XKR9: variants seen among roughly 807,000 people sequenced by gnomAD.
The protein encoded by XKR9 is XK-related protein 9.
XKR9 carries 32 observed loss-of-function variants against 32.0 expected under a neutral mutation model. The ratio of observed to expected loss-of-function variants is 1.00; its 90% CI spans 0.76 to 1.34. The LOEUF is 1.34. XKR9 is among the 40% of genes most tolerant of loss of function. The pLI is 0.00. For missense variants in XKR9, 546 were observed against 429.7 expected (o/e 1.27, Z -2.39); for synonymous variants, 168 against 143.4 (o/e 1.17, Z -1.22).
chr8:70,919,892 G>GT, the XKR9 span, among the ~76,000 whole-genome samples: 9 of 152,178 alleles, frequency 5.9e-5, no homozygotes, highest in African/African-American at 1.7e-4. Flanking sequence ...TTCCTTCATA[G>GT]TTTTTTGCAC....
At chr8:70,769,874 G>C (rs961087047) in intron 2 of XKR9, among the ~76,000 whole-genome samples, 1 of 151,842 alleles carries the variant, frequency 6.6e-6, no homozygotes, top group African/African-American at 2.4e-5. Context: ...TCCTTGCATT[G>C]GGTTAGAACA....
At chr8:70,792,592 CAGTT>C (rs910923902), downstream of XKR9, among the ~76,000 whole-genome samples, 1 of 151,996 alleles carries the variant, frequency 6.6e-6, no homozygotes, top group Admixed American at 6.6e-5. Context: ...ACATAAGAAG[CAGTT>C]AGTGCTAGAC....
At chr8:70,942,553 G>T in the XKR9 span, among the ~76,000 whole-genome samples, 1 of 152,116 alleles carries the variant, frequency 6.6e-6, no homozygotes, top group African/African-American at 2.4e-5. Flanking sequence ...CCCATTTCAT[G>T]ATTTTAAAAG....
chr8:70,718,534 T>G (rs1806168130), intron 4 of XKR9, among the ~76,000 whole-genome samples: 1 of 152,108 alleles, frequency 6.6e-6, no homozygotes, highest in Non-Finnish European at 1.5e-5. Flanking sequence ...ATGTGTTCTC[T>G]TTGTTCAACT....
chr8:70,799,785 T>TC, the XKR9 span, among the ~76,000 whole-genome samples: 3 of 152,210 alleles, frequency 2.0e-5, no homozygotes, highest in Non-Finnish European at 2.9e-5. Context: ...GTTTTCTAGA[T>TC]ATAGGATCAT....
the XKR9 span, among the ~76,000 whole-genome samples, chr8:70,961,001 C>G: frequency 1.3e-5 from 2 of 152,142 alleles, no homozygotes; most frequent in South Asian, 4.1e-4. Flanking sequence ...GAAACCCTGT[C>G]TCTACCAAAG....
At chr8:70,794,911 T>C (rs1807809616), downstream of XKR9, among the ~76,000 whole-genome samples, 1 of 151,814 alleles carries the variant, frequency 6.6e-6, no homozygotes. Context: ...CTAGAAAGTT[T>C]TGATTCTCTT....
the XKR9 span, among the ~76,000 whole-genome samples, chr8:70,846,897 G>T: frequency 2.0e-5 from 3 of 151,930 alleles, no homozygotes; most frequent in African/African-American, 7.2e-5. Context: ...ATTGGGGACT[G>T]CAACACACCA....
At chr8:70,859,915 G>A in the XKR9 span, among the ~76,000 whole-genome samples, 7 of 152,044 alleles carry the variant, frequency 4.6e-5, no homozygotes, top group Non-Finnish European at 8.8e-5. Flanking sequence ...AAATTCCAAT[G>A]TTCAATACCA....
At chr8:70,809,623 C>T in the XKR9 span, among the ~76,000 whole-genome samples, 27 of 152,210 alleles carry the variant, frequency 1.8e-4, no homozygotes, top group South Asian at 6.2e-4. Flanking sequence ...CTGAAAACCA[C>T]GGCATGAGAA....
At chr8:70,987,576 G>A in the XKR9 span, among the ~76,000 whole-genome samples, 1 of 152,212 alleles carries the variant, frequency 6.6e-6, no homozygotes, top group African/African-American at 2.4e-5. Flanking sequence ...CTGCCCCTGT[G>A]GCTTTGCAGG....
At chr8:70,787,800 A>G (rs951962429) in intron 2 of XKR9, among the ~76,000 whole-genome samples, 3 of 152,074 alleles carry the variant, frequency 2.0e-5, no homozygotes, top group African/African-American at 4.8e-5. Context: ...GCATTATTCA[A>G]TACTATTTGG....
chr8:70,750,648 C>T (rs1348325529), intron 2 of XKR9, among the ~76,000 whole-genome samples: 2 of 152,140 alleles, frequency 1.3e-5, no homozygotes, highest in South Asian at 4.1e-4. Context: ...ATAATTCATA[C>T]AATTCAACTG....
the XKR9 span, among the ~76,000 whole-genome samples, chr8:70,974,543 T>G: frequency 6.6e-6 from 1 of 152,204 alleles, no homozygotes. Context: ...GTTGCCAGCT[T>G]CGTCCATGTC....
the XKR9 span, among the ~76,000 whole-genome samples, chr8:71,047,380 G>T: frequency 2.0e-5 from 3 of 152,106 alleles, no homozygotes; most frequent in African/African-American, 7.2e-5. Context: ...CAGAGTAAAG[G>T]GTTCATCAAA....
At chr8:70,993,661 CCTTCCT>C in the XKR9 span, among the ~76,000 whole-genome samples, 1 of 150,164 alleles carries the variant, frequency 6.7e-6, no homozygotes, top group Non-Finnish European at 1.5e-5. Context: ...TTCCTTCCTT[CCTTCCT>C]TCCTCCCATC....
chr8:71,056,852 T>C, the XKR9 span, among the ~76,000 whole-genome samples: 1 of 152,212 alleles, frequency 6.6e-6, no homozygotes, highest in Non-Finnish European at 1.5e-5. Context: ...TTTTAGATAT[T>C]GGGAAATGAG....
the XKR9 span, among the ~76,000 whole-genome samples, chr8:70,962,081 G>C: frequency 6.6e-6 from 1 of 152,118 alleles, no homozygotes; most frequent in Non-Finnish European, 1.5e-5. Flanking sequence ...ATGGTATCTA[G>C]AGTGAATCTT....
At chr8:70,847,210 C>G in the XKR9 span, among the ~76,000 whole-genome samples, 1 of 151,882 alleles carries the variant, frequency 6.6e-6, no homozygotes, top group Non-Finnish European at 1.5e-5. Context: ...AGTATAAATA[C>G]TTGGAAATTA....
Sources: gnomAD v4.1 joint callset for allele counts (sites outside exome capture counted in the v4.1 genomes callset) on GRCh38, gnomAD v4.1.1 for gene constraint, MANE v1.5 for transcripts, NCBI Gene and HGNC (gene_info 2026-07-23, HGNC 2026-07-21) for gene names.